Variants in TDRKH observed in about 807,000 individuals in gnomAD.
The protein encoded by TDRKH is tudor and KH domain-containing protein.
In TDRKH, 28 loss-of-function variants were observed where a neutral mutation model predicts 61.3. That is an observed-to-expected ratio of 0.46 (90% CI 0.34 to 0.63). The LOEUF is 0.63. TDRKH is among the 20% of genes least tolerant of loss of function. The pLI is 0.01. For missense variants in TDRKH, 540 were observed against 683.4 expected (o/e 0.79, Z 2.34); for synonymous variants, 219 against 244.4 (o/e 0.90, Z 0.97).
intron 4 of TDRKH, 85 bp from the exon 5 acceptor site, chr1:151,779,327 G>T: frequency 6.7e-7 from 1 of 1,502,072 alleles, no homozygotes; most frequent in South Asian, 1.3e-5. Flanking sequence ...TATATACTAG[G>T]AGAAGAGAAT....
chr1:151,776,282 G>T lies in TDRKH; in HGVS notation c.1045-14C>A. 4 of 1,610,964 alleles carry T rather than the reference G, an allele frequency of 2.5e-6. No individual in the cohort carries two copies. The highest frequency in any genetic ancestry group is 3.4e-5 in the Admixed American group (2 of 59,682). ...CAAGTCTTCAGGCTGTATGTGGGGA[G>T]GAGGAGAAAGGCAGAGAGTTACAAA... On this transcript the variant is annotated splice_polypyrimidine_tract_variant and intron_variant, in intron 7 of 12. Coordinates refer to ENST00000368824, the MANE Select transcript of TDRKH (RefSeq NM_001083965.2).
At chr1:151,787,492 C>T (rs1488508354) in intron 1 of TDRKH, among the ~76,000 whole-genome samples, 2 of 152,110 alleles carry the variant, frequency 1.3e-5, no homozygotes, top group African/African-American at 2.4e-5. Context: ...GCTGGGATTA[C>T]AGGCGTGAGC....
chr1:151,778,090 C>G (rs1422917210), intron 6 of TDRKH, among the ~76,000 whole-genome samples: 2 of 152,138 alleles, frequency 1.3e-5, no homozygotes. Context: ...GAAAGGAGCT[C>G]TCTCTTTCCC....
At chr1:151,783,132 A>G in intron 1 of TDRKH, 83 bp from the exon 2 acceptor site, 1 of 1,281,944 alleles carries the variant, frequency 7.8e-7, no homozygotes, top group Non-Finnish European at 1.1e-6. Context: ...GCACATTATT[A>G]CTGAAAAGAC....
Position 151,778,875 on chromosome 1 carries a change from A to C in TDRKH, c.693T>G (p.Ala231=). 6.2e-7 allele frequency: 1 copy of C among 1,614,128 alleles called. No homozygotes were observed. The highest frequency in any genetic ancestry group is 8.5e-7 in the Non-Finnish European group (1 of 1,180,030). The change falls in exon 6 of 13, where the codon GCT becomes GCG. Residue 231 remains alanine (A), a synonymous_variant. Coordinates refer to ENST00000368824, the MANE Select transcript of TDRKH (RefSeq NM_001083965.2). ...RREDMTEPGG[A]GEPALWKNTS... ...TGTTTTTCCATAATGCTGGCTCTCC[A>C]GCTCCACCTGGCTCTGTCATGTCTT... is the stretch of plus-strand genomic sequence containing the variant.
At position 151,775,161 on chromosome 1, in the gene TDRKH, A is replaced by C; in HGVS notation, c.1440T>G (p.Leu480=). The C allele has an allele frequency of 6.2e-7, 1 of 1,614,006 alleles. No homozygotes were observed. Among genetic ancestry groups the C allele is most frequent in the Non-Finnish European group, 8.5e-7 (1 of 1,179,958 alleles). The part of the protein sequence containing the change: ...YLYDTSNGKK[L]DIGLELVHKG... ...TGTGTACTAATTCTAGCCCAATATC[A>C]AGTTTCTGAGAAGAAAAATGAAAAG... Residue 480 remains leucine, a synonymous_variant, in exon 11 of 13, where the codon CTT becomes CTG. Coordinates refer to ENST00000368824, the MANE Select transcript of TDRKH (RefSeq NM_001083965.2).
chr1:151,774,284 A>T lies in TDRKH; in HGVS notation c.*168T>A. 1 of 651,558 alleles carries T rather than the reference A, an allele frequency of 1.5e-6. No individual in the cohort carries two copies. The highest frequency in any genetic ancestry group is 2.6e-6 in the Non-Finnish European group (1 of 384,308). 40.4% of individuals were successfully genotyped at this position (651,558 alleles called of 1,614,324 possible). On this transcript the variant is annotated 3_prime_UTR_variant, in exon 13 of 13. Transcript: ENST00000368824. ...AAAGTGCTCAATCTGAGAGCAAGTTAAGCTGCAGGAAAGCAGCTGCAGAGA... is the reference window on the plus strand; with the variant it reads ...AAAGTGCTCAATCTGAGAGCAAGTTTAGCTGCAGGAAAGCAGCTGCAGAGA...
At chr1:151,787,845 T>C (rs945973801) in intron 1 of TDRKH, among the ~76,000 whole-genome samples, 11 of 138,340 alleles carry the variant, frequency 8.0e-5, no homozygotes, top group African/African-American at 3.0e-4. Flanking sequence ...AAAAATTAGC[T>C]AGGCGTGGTG....
At chr1:151,778,590 T>C in intron 6 of TDRKH, 95 bp downstream of exon 6, 1 of 1,589,026 alleles carries the variant, frequency 6.3e-7, no homozygotes, top group Non-Finnish European at 8.6e-7. Flanking sequence ...TTATACTGGC[T>C]GCTCAGACTG....
In TDRKH at chr1:151,775,454, A is replaced by G; in HGVS notation, c.1372T>C (p.Tyr458His). The G allele has an allele frequency of 6.2e-7, 1 of 1,614,172 alleles. No homozygotes were observed. The highest frequency in any genetic ancestry group is 1.3e-5 in the African/African-American group (1 of 75,042). The change falls in exon 10 of 13, where the codon TAT (tyrosine) becomes CAT (histidine). Residue 458 changes from tyrosine to histidine, a missense_variant. Physicochemically the swap from Tyr to His is moderately conservative, Grantham distance 83. Transcript: ENST00000368824. ...CAAGTTGAGATCCCAGTCTGGACAT[A>G]GCTAGAGATCTTGGCTACCAGAGGC... The part of the protein sequence containing the change: ...WKPLVAKISS[Y>H]VQTGISTWPK...
chr1:151,772,004 T>C (rs1648731588), downstream of TDRKH: 1 of 398,580 alleles, frequency 2.5e-6, no homozygotes, highest in Non-Finnish European at 4.4e-6. Context: ...ATCAAATAAA[T>C]GGAAGCTCCT....
At chr1:151,767,275 C>A (rs148840917), downstream of TDRKH, 14 of 1,613,878 alleles carry the variant, frequency 8.7e-6, no homozygotes, top group Middle Eastern at 1.6e-4. Flanking sequence ...AGGGTAACCA[C>A]GACCAGCTTA....
chr1:151,788,699 A>C (rs1650589140), intron 1 of TDRKH, among the ~76,000 whole-genome samples: 1 of 152,200 alleles, frequency 6.6e-6, no homozygotes, highest in African/African-American at 2.4e-5. Flanking sequence ...GTGCAATAGA[A>C]ATAAGTCTGT....
At chr1:151,776,414 C>A (rs1373649514) in intron 7 of TDRKH, 25 bp downstream of exon 7, 7 of 1,612,112 alleles carry the variant, frequency 4.3e-6, no homozygotes, top group Non-Finnish European at 5.9e-6. Context: ...CATTAAACCC[C>A]AGCCCTGTCC....
chr1:151,770,200 G>A (rs1648617489), downstream of TDRKH: 2 of 1,613,916 alleles, frequency 1.2e-6, no homozygotes, highest in Non-Finnish European at 1.7e-6. Context: ...GTACGTGGAA[G>A]AGAAGACAAA....
At chr1:151,784,793 A>G (rs912884838) in intron 1 of TDRKH, among the ~76,000 whole-genome samples, 1 of 151,984 alleles carries the variant, frequency 6.6e-6, no homozygotes, top group Non-Finnish European at 1.5e-5. Context: ...ATAACTTCCA[A>G]ATTAATAGAT....
downstream of TDRKH, chr1:151,767,107 G>T: frequency 1.1e-5 from 18 of 1,600,398 alleles, no homozygotes; most frequent in Non-Finnish European, 1.5e-5. Context: ...CTGGTACTGT[G>T]TATCTTCCCA....
At chr1:151,781,670 G>T in intron 2 of TDRKH, 83 bp from the exon 3 acceptor site, 1 of 1,222,736 alleles carries the variant, frequency 8.2e-7, no homozygotes, top group Non-Finnish European at 1.2e-6. Context: ...GAATCTGGCT[G>T]TCAAAGAGAC....
At chr1:151,770,323 A>G, downstream of TDRKH, 5 of 1,550,556 alleles carry the variant, frequency 3.2e-6, no homozygotes, top group Non-Finnish European at 4.4e-6. Context: ...TTTCCTTTAT[A>G]GGAGACCCTC....
Sources: gnomAD v4.1 joint callset for allele counts (sites outside exome capture counted in the v4.1 genomes callset) on GRCh38, gnomAD v4.1.1 for gene constraint, MANE v1.5 for transcripts, NCBI Gene and HGNC (gene_info 2026-07-23, HGNC 2026-07-21) for gene names.